The following AP4M1 variants were observed in gnomAD, a reference collection of about 807,000 sequenced individuals.
AP4M1 encodes the protein adaptor related protein complex 4 subunit mu 1.
AP4M1 carries 58 observed loss-of-function variants against 62.4 expected under a neutral mutation model. The ratio of observed to expected loss-of-function variants is 0.93; its 90% CI spans 0.75 to 1.16. AP4M1 has a LOEUF of 1.16. Among genes scored for constraint, AP4M1 ranks in the 50% most tolerant of loss-of-function variants. AP4M1 has a pLI of 0.00. For synonymous variants in AP4M1, 290 were observed against 239.7 expected, an observed-to-expected ratio of 1.21 and a Z score of -1.94; for missense variants, 626 against 585.4, an observed-to-expected ratio of 1.07 and a Z score of -0.72.
At position 100,107,629 on chromosome 7, in the gene AP4M1, T is replaced by G; in HGVS notation, c.*747T>G. On this transcript the variant is annotated 3_prime_UTR_variant, in exon 15 of 15. Transcript: ENST00000359593. The stretch of plus-strand genomic sequence containing the variant: ...GAGGTGCTGAGGGACAGGACCTGGA[T>G]AGAAAGGAAAGGCAGGCCGCTTGCC... 1 of 1,610,208 alleles carries G rather than the reference T, an allele frequency of 6.2e-7. No individual in the cohort carries two copies. The highest frequency in any genetic ancestry group is 1.1e-5 in the South Asian group (1 of 90,906).
Position 100,107,508 on chromosome 7 carries a change from G to A in AP4M1, c.*626G>A. ...ACCAGAGGGAGCAGTGCTGGGGGGTGCGGTGGTGGCGGTGGAGACCAACTT... is the reference window on the plus strand; with the variant it reads ...ACCAGAGGGAGCAGTGCTGGGGGGTACGGTGGTGGCGGTGGAGACCAACTT... On this transcript the variant is annotated 3_prime_UTR_variant, in exon 15 of 15. Transcript: ENST00000359593. The A allele has an allele frequency of 6.2e-7, 1 of 1,614,114 alleles. No individual in the cohort carries two copies.
Position 100,102,931 on chromosome 7 carries a change from C to G in AP4M1, c.322C>G (p.Leu108Val), listed in dbSNP as rs767189590. The change falls in exon 4 of 15, where the codon CTG (leucine) becomes GTG (valine). Residue 108 changes from leucine to valine, a missense_variant. Transcript: ENST00000359593. ...GEGTISRNVA[L>V]VYELLDEVLD... is the part of the protein sequence containing the mutation. ...GGGGACCATCTCCCGCAATGTGGCT[C>G]TGGTATACGAACTCCTGGATGAAGT... is the stretch of plus-strand genomic sequence containing the variant. The G allele has an allele frequency of 6.2e-7, 1 of 1,614,148 alleles. No homozygotes were observed. The highest frequency in any genetic ancestry group is 8.5e-7 in the Non-Finnish European group (1 of 1,180,038).
At chr7:100,100,828 C>G, upstream of AP4M1, 1 of 1,004,904 alleles carries the variant, frequency 1.0e-6, no homozygotes, top group Non-Finnish European at 1.2e-6. Context: ...AACGGCCAAT[C>G]CCGGCGCGCA....
At chr7:100,105,797 A>T (rs1584518196) in intron 11 of AP4M1, among the ~76,000 whole-genome samples, 162 bp from the exon 12 acceptor site, 1 of 143,622 alleles carries the variant, frequency 7.0e-6, no homozygotes. Flanking sequence ...AAAAAAAAAA[A>T]GGAAAAAGCT....
Position 100,108,021 on chromosome 7 carries a change from C to A in AP4M1, c.*1139C>A. The A allele has an allele frequency of 6.2e-7, 1 of 1,613,892 alleles. No individual in the cohort carries two copies. The highest frequency in any genetic ancestry group is 8.5e-7 in the Non-Finnish European group (1 of 1,179,986). The stretch of plus-strand genomic sequence containing the variant: ...GGTGGGGCAGCCGCTCGTGCAGACA[C>A]CAGTGTCTGGACAGGAAGTGCGATG... On this transcript the variant is annotated 3_prime_UTR_variant, in exon 15 of 15. Transcript: ENST00000359593.
intron 9 of AP4M1, 33 bp downstream of exon 9, chr7:100,105,131 G>A (rs374130321): frequency 3.7e-5 from 60 of 1,613,728 alleles, no homozygotes; most frequent in Non-Finnish European, 4.2e-5. Flanking sequence ...TCCCCTTGGA[G>A]TAGGTCATTG....
chr7:100,106,563 C>A, intron 14 of AP4M1, 49 bp downstream of exon 14: 1 of 1,540,992 alleles, frequency 6.5e-7, no homozygotes, highest in Non-Finnish European at 8.9e-7. Flanking sequence ...TCACTTGCAG[C>A]CCCCACCCCA....
Position 100,104,163 on chromosome 7 carries a change from G to C in AP4M1, c.606+9G>C, listed in dbSNP as rs1796284304. 2.5e-6 allele frequency: 4 copies of C among 1,613,410 alleles called. No individual in the cohort carries two copies. The highest frequency in any genetic ancestry group is 2.5e-6 in the Non-Finnish European group (3 of 1,179,498). Reference sequence around the variant, plus strand: ...TACTGATAGCATCTAATGTAAGTTTGAGCTCCCAAACCTGGAGCTGAGGAC... The same window carrying C: ...TACTGATAGCATCTAATGTAAGTTTCAGCTCCCAAACCTGGAGCTGAGGAC... On this transcript the variant is annotated intron_variant, in intron 7 of 14. Coordinates refer to ENST00000359593, the MANE Select transcript of AP4M1 (RefSeq NM_004722.4).
chr7:100,101,175 C>A (rs998894095), upstream of AP4M1: 34 of 1,547,038 alleles, frequency 2.2e-5, no homozygotes, highest in Middle Eastern at 3.4e-4. Context: ...CCCGCCGACC[C>A]CGGTCCCCCA....
At chr7:100,102,447 C>T in intron 2 of AP4M1, 1 of 596,746 alleles carries the variant, frequency 1.7e-6, no homozygotes, top group Non-Finnish European at 3.0e-6. Context: ...CAGCAACACA[C>T]CAGGCCCAGC....
chr7:100,104,569 G>T (rs1471084685), intron 7 of AP4M1, among the ~76,000 whole-genome samples: 1 of 152,116 alleles, frequency 6.6e-6, no homozygotes, highest in African/African-American at 2.4e-5. Context: ...AGTGGCTCAT[G>T]CCTGTAATCC....
chr7:100,106,047 G>T (rs770266787), intron 12 of AP4M1, 44 bp downstream of exon 12: 10 of 1,609,860 alleles, frequency 6.2e-6, no homozygotes, highest in Non-Finnish European at 8.5e-6. Context: ...CTATGGGACG[G>T]AAGACAGGGC....
At position 100,108,095 on chromosome 7, in the gene AP4M1, G is replaced by A. The variant is rs1796739716; in HGVS notation, c.*1213G>A. On this transcript the variant is annotated 3_prime_UTR_variant, in exon 15 of 15. Coordinates refer to ENST00000359593, the MANE Select transcript of AP4M1 (RefSeq NM_004722.4). The stretch of plus-strand genomic sequence containing the variant: ...AGGGGTGCGAGGGCCAGGCTGTGGG[G>A]CCTGCGAGAGGGTCAGCGTGGGCCG... The A allele has an allele frequency of 1.2e-6, 2 of 1,608,240 alleles. No individual in the cohort carries two copies. The highest frequency in any genetic ancestry group is 8.5e-7 in the Non-Finnish European group (1 of 1,178,434).
At position 100,106,810 on chromosome 7, in the gene AP4M1, A is replaced by G. The variant is rs372537546; in HGVS notation, c.1290A>G (p.Pro430=). The G allele has an allele frequency of 1.2e-6, 2 of 1,613,932 alleles. No individual in the cohort carries two copies. Among genetic ancestry groups the G allele is most frequent in the Non-Finnish European group, 8.5e-7 (1 of 1,180,058 alleles). Residue 430 remains proline (P), a synonymous_variant, in exon 15 of 15, where the codon CCA becomes CCG. Coordinates refer to ENST00000359593, the MANE Select transcript of AP4M1 (RefSeq NM_004722.4). The part of the protein sequence containing the change: ...QVRFLRLAFR[P]CGNANPHKWV... ...GATTCCTCAGGCTGGCCTTCAGGCC[A>G]TGCGGCAATGCCAACCCCCACAAGT...
rs1796700358 is a variant in AP4M1, at chr7:100,107,796, C to G, written c.*914C>G. 2 of 1,390,518 alleles carry G rather than the reference C, an allele frequency of 1.4e-6. No homozygotes were observed. The highest frequency in any genetic ancestry group is 4.9e-5 in the East Asian group (2 of 40,994). The allele number at this position is 1,390,518 out of a possible 1,614,324, so 86.1% of individuals were successfully genotyped here. A position where few individuals can be genotyped will look rare whatever the true frequency, so the allele number is the denominator to read the frequency against. On this transcript the variant is annotated 3_prime_UTR_variant, in exon 15 of 15. Coordinates refer to ENST00000359593, the MANE Select transcript of AP4M1 (RefSeq NM_004722.4). ...CAGGGCAGCTACAGCCCTGCAGGAC[C>G]CTGGTGGGCGCCTCTTCCAGCTCTT...
upstream of AP4M1, chr7:100,101,518 CG>C: frequency 1.3e-6 from 1 of 785,986 alleles, no homozygotes. Context: ...GAATGAGTGA[CG>C]GGGAGGCGGT....
At position 100,107,824 on chromosome 7, in the gene AP4M1, C is replaced by T. The variant is rs1796703040; in HGVS notation, c.*942C>T. 6 of 1,455,256 alleles carry T rather than the reference C, an allele frequency of 4.1e-6. No individual in the cohort carries two copies. The African/African-American group carries it at 4.3e-5, about 10-fold the overall frequency. 90.1% of individuals were successfully genotyped at this position (1,455,256 alleles called of 1,614,324 possible). ...GGTGGGCGCCTCTTCCAGCTCTTGA[C>T]TTGGGGCCCAGAGGGGACTGTGCTC... is the stretch of plus-strand genomic sequence containing the variant. On this transcript the variant is annotated 3_prime_UTR_variant, in exon 15 of 15. Transcript: ENST00000359593.
chr7:100,106,531 C>T lies in AP4M1; in HGVS notation c.1137+17C>T. 6.2e-7 allele frequency: 1 copy of T among 1,608,816 alleles called. No homozygotes were observed. The highest frequency in any genetic ancestry group is 8.5e-7 in the Non-Finnish European group (1 of 1,177,278). ...CTTTTCCAGGTATTCGCTGTGGACC[C>T]CCAGCCCCTCTCCTCCCACATTCAC... On this transcript the variant is annotated intron_variant, in intron 14 of 14. Transcript: ENST00000359593.
At chr7:100,102,653 C>G in intron 2 of AP4M1, 22 bp from the exon 3 acceptor site, 1 of 1,610,820 alleles carries the variant, frequency 6.2e-7, no homozygotes, top group Non-Finnish European at 8.5e-7. Flanking sequence ...TAACGCCTCT[C>G]TTCTCCCTGC....
Sources: gnomAD v4.1 joint callset for allele counts (sites outside exome capture counted in the v4.1 genomes callset) on GRCh38, gnomAD v4.1.1 for gene constraint, MANE v1.5 for transcripts, NCBI Gene and HGNC (gene_info 2026-07-23, HGNC 2026-07-21) for gene names.